ENTPD5: variants seen among roughly 807,000 people sequenced by gnomAD.
ENTPD5 encodes the protein ectonucleoside triphosphate diphosphohydrolase 5 (inactive).
In ENTPD5, 49 loss-of-function variants were observed where a neutral mutation model predicts 60.2. The observed-to-expected ratio is 0.81, with a 90% CI of 0.65 to 1.03. The LOEUF is 1.03. Ranked by LOEUF, ENTPD5 falls within the 50% of genes least tolerant of loss-of-function variation. The pLI is 0.00. For synonymous variants in ENTPD5, 187 were observed against 185.4 expected (o/e 1.01, Z -0.07); for missense variants, 480 against 507.6 (o/e 0.95, Z 0.52).
At chr14:73,976,073 C>T in intron 9 of ENTPD5, 58 bp from the exon 10 acceptor site, 1 of 1,385,680 alleles carries the variant, frequency 7.2e-7, no homozygotes, top group South Asian at 1.2e-5. Flanking sequence ...TGAAGATGTT[C>T]ACACCACCAC....
At chr14:73,960,963 C>T, downstream of ENTPD5, 2 of 667,306 alleles carry the variant, frequency 3.0e-6, no homozygotes, top group Middle Eastern at 4.0e-4. Flanking sequence ...CAGGGGCCAG[C>T]TCATGTACAG....
At chr14:74,004,630 G>A (rs1003326580) in intron 3 of ENTPD5, among the ~76,000 whole-genome samples, 3 of 152,136 alleles carry the variant, frequency 2.0e-5, no homozygotes, top group Non-Finnish European at 4.4e-5. Context: ...CTCAATGGTT[G>A]GCAAGTTGAT....
intron 3 of ENTPD5, among the ~76,000 whole-genome samples, chr14:74,004,809 T>C (rs945026188): frequency 1.3e-5 from 2 of 152,218 alleles, no homozygotes; most frequent in Admixed American, 1.3e-4. Flanking sequence ...TCATACACTA[T>C]CATATCCCTA....
Position 73,973,167 on chromosome 14 carries a change from C to T in ENTPD5, c.887-143G>A, listed in dbSNP as rs148728758. 1.9e-4 allele frequency: 185 copies of T among 982,052 alleles called. No individual in the cohort carries two copies. The African/African-American group carries it at 2.4e-3, about 13-fold the overall frequency. The allele number at this position is 982,052 out of a possible 1,614,324, so 60.8% of individuals were successfully genotyped here. On this transcript the variant is annotated intron_variant, in intron 12 of 15. Coordinates refer to ENST00000334696, the MANE Select transcript of ENTPD5 (RefSeq NM_001249.5). ...GAAGGCTGAGGCTTGGGACAAGAGG[C>T]GTCAAAACAAAGATGAGCAAACGTC...
intron 2 of ENTPD5, among the ~76,000 whole-genome samples, chr14:74,013,420 T>C (rs1240510614): frequency 3.3e-5 from 5 of 152,232 alleles, no homozygotes; most frequent in Non-Finnish European, 5.9e-5. Flanking sequence ...GGGCCGCATG[T>C]AGCCCAGGAT....
chr14:73,978,143 A>C (rs1294457195), intron 6 of ENTPD5, among the ~76,000 whole-genome samples: 1 of 152,190 alleles, frequency 6.6e-6, no homozygotes. Flanking sequence ...AGTTATATAT[A>C]AACAAACTTT....
chr14:73,973,412 T>C (rs1358416941), intron 12 of ENTPD5, among the ~76,000 whole-genome samples: 3 of 152,224 alleles, frequency 2.0e-5, no homozygotes, highest in Non-Finnish European at 4.4e-5. Flanking sequence ...TTGTCTTGGT[T>C]TTAAGTTTTA....
intron 8 of ENTPD5, 132 bp downstream of exon 8, chr14:73,976,892 C>A: frequency 2.5e-6 from 2 of 804,684 alleles, no homozygotes; most frequent in Non-Finnish European, 4.0e-6. Flanking sequence ...CAGGCATGAA[C>A]TGCCACACCC....
intron 15 of ENTPD5, among the ~76,000 whole-genome samples, chr14:73,967,941 A>G (rs2140460266): frequency 6.6e-6 from 1 of 152,186 alleles, no homozygotes. Context: ...CCTGGCCAAC[A>G]TGGTGAAACC....
At chr14:74,005,718 G>A (rs1179733869) in intron 3 of ENTPD5, among the ~76,000 whole-genome samples, 5 of 151,712 alleles carry the variant, frequency 3.3e-5, no homozygotes. Flanking sequence ...GAGGTAGGAG[G>A]ATCGCTAGAA....
At chr14:73,958,099 A>G (rs201590629), downstream of ENTPD5, 10 of 1,474,594 alleles carry the variant, frequency 6.8e-6, no homozygotes, top group African/African-American at 8.3e-5. Flanking sequence ...TCCTCAGCCT[A>G]TGTGGCCCAC....
intron 3 of ENTPD5, among the ~76,000 whole-genome samples, chr14:73,991,566 G>A (rs1241256653): frequency 7.2e-6 from 1 of 139,330 alleles, no homozygotes; most frequent in African/African-American, 2.6e-5. Flanking sequence ...CCAGCCTGGA[G>A]GACAGAGCAA....
chr14:73,972,760 G>C (rs753200718), intron 13 of ENTPD5, 124 bp downstream of exon 13: 2 of 1,121,424 alleles, frequency 1.8e-6, no homozygotes, highest in African/African-American at 1.6e-5. Context: ...CCTTTTGTTC[G>C]AGTGACTAGA....
Position 73,973,961 on chromosome 14 carries a change from A to C in ENTPD5, c.802T>G (p.Phe268Val). 1 of 1,614,134 alleles carries C rather than the reference A, an allele frequency of 6.2e-7. No homozygotes were observed. The highest frequency in any genetic ancestry group is 1.1e-5 in the South Asian group (1 of 91,088). Reference protein sequence around the residue: ...LETEGTDGHTFRSACLPRWLE... With the variant: ...LETEGTDGHTVRSACLPRWLE... The stretch of plus-strand genomic sequence containing the variant: ...CATCTCGGTAAACAGGCACTCCGGA[A>C]AGTGTGCCCATCAGTCCCTGAAAGA... The change falls in exon 12 of 16, where the codon TTC becomes GTC. Residue 268 changes from phenylalanine (F) to valine (V), a missense_variant. Phe to Val is a conservative substitution (Grantham distance 50). Transcript: ENST00000334696.
intron 15 of ENTPD5, among the ~76,000 whole-genome samples, chr14:73,967,793 C>A: frequency 8.8e-6 from 1 of 113,110 alleles, no homozygotes. Flanking sequence ...GAGCAAGACC[C>A]TGTCTCAAAA....
chr14:73,959,148 CCTCT>C, downstream of ENTPD5: 1 of 1,614,186 alleles, frequency 6.2e-7, no homozygotes, highest in African/African-American at 1.3e-5. Context: ...AAACTTTTCT[CCTCT>C]CTGTTGCAGG....
At position 73,981,506 on chromosome 14, in the gene ENTPD5, A is replaced by G. The variant is rs564995388; in HGVS notation, c.441+1512T>C. On this transcript the variant is annotated intron_variant, in intron 6 of 15. Transcript: ENST00000334696. ...AGAAAAAAAAAATGTATATATATAT[A>G]TATGACTTCACCAGGCGTGGTGGCT... 3.2e-4 allele frequency among the ~76,000 whole-genome samples: 48 copies of G among 151,310 alleles called. No homozygotes were observed. The South Asian group carries it at 9.0e-3, about 28-fold the overall frequency.
chr14:74,001,416 G>T (rs2058502152), intron 3 of ENTPD5, among the ~76,000 whole-genome samples: 1 of 151,540 alleles, frequency 6.6e-6, no homozygotes, highest in Admixed American at 6.6e-5. Context: ...GCAGGAGAAT[G>T]ACGTGAACCT....
At chr14:73,960,288 A>AT, downstream of ENTPD5, 1 of 986,134 alleles carries the variant, frequency 1.0e-6, no homozygotes, top group Non-Finnish European at 1.2e-6. Context: ...GACTTTCAAA[A>AT]TGAGAGAACT....
Sources: allele counts gnomAD v4.1 joint callset (sites outside exome capture counted in the v4.1 genomes callset), GRCh38; gene constraint gnomAD v4.1.1; transcripts MANE v1.5; gene names NCBI Gene and HGNC (gene_info 2026-07-23, HGNC 2026-07-21).